Variants in CLSTN2 observed in about 807,000 individuals in gnomAD.
The protein encoded by CLSTN2 is calsyntenin-2.
A neutral mutation model predicts 101.2 loss-of-function variants in CLSTN2; 48 were observed. The observed-to-expected ratio is 0.47, with a 90% CI of 0.38 to 0.60. The LOEUF (loss-of-function observed/expected upper bound fraction) is 0.60, where lower values mean the gene tolerates loss of function less well. CLSTN2 is among the 20% of genes least tolerant of loss of function. CLSTN2 has a pLI of 0.00. For missense variants in CLSTN2, 1,160 were observed against 1,238.2 expected (o/e 0.94, Z 0.95); for synonymous variants, 481 against 463.6 (o/e 1.04, Z -0.48).
At chr3:140,188,794 T>C (rs1484179821) in intron 2 of CLSTN2, among the ~76,000 whole-genome samples, 2 of 152,162 alleles carry the variant, frequency 1.3e-5, no homozygotes, top group African/African-American at 2.4e-5. Flanking sequence ...CCTTACTCAG[T>C]TTCCCCCAGT....
Position 139,935,531 on chromosome 3 carries a change from G to A in CLSTN2, c.109+48G>A, listed in dbSNP as rs1441782927. 5.0e-6 allele frequency: 5 copies of A among 1,008,650 alleles called. No individual in the cohort carries two copies. In the African/African-American group the frequency reaches 8.3e-5, roughly 17 times the overall value. The allele number at this position is 1,008,650 out of a possible 1,614,324, so 62.5% of individuals were successfully genotyped here. A position where few individuals can be genotyped will look rare whatever the true frequency, so the allele number is the denominator to read the frequency against. ...CTTCTCCCAGGAGGGAGGCAGGGCA[G>A]GCTTGAGGGTGAAAGCGGCAAGGAC... is the stretch of plus-strand genomic sequence containing the variant. On this transcript the variant is annotated intron_variant, in intron 1 of 16. Transcript: ENST00000458420. The surrounding 1 kb of genome is among the most constrained non-coding windows in gnomAD (Gnocchi z 5.5).
intron 2 of CLSTN2, among the ~76,000 whole-genome samples, chr3:140,208,108 TTTGTC>T (rs1248009862): frequency 1.3e-5 from 2 of 152,200 alleles, no homozygotes; most frequent in Non-Finnish European, 2.9e-5. Flanking sequence ...TTAAACTGTA[TTTGTC>T]TAATCCATTC....
chr3:140,119,997 T>C (rs2009312680), intron 1 of CLSTN2, among the ~76,000 whole-genome samples: 1 of 152,166 alleles, frequency 6.6e-6, no homozygotes, highest in Non-Finnish European at 1.5e-5. Context: ...ACCACCACAA[T>C]AATCACCAAC....
At chr3:140,237,348 T>G (rs774441698) in intron 2 of CLSTN2, among the ~76,000 whole-genome samples, 2 of 152,198 alleles carry the variant, frequency 1.3e-5, no homozygotes, top group Middle Eastern at 3.2e-3. Flanking sequence ...TCTGTAGCAC[T>G]GTAAAAGCTC....
intron 1 of CLSTN2, among the ~76,000 whole-genome samples, chr3:140,160,992 G>T (rs1437768278): frequency 1.3e-5 from 2 of 152,128 alleles, no homozygotes; most frequent in Admixed American, 6.6e-5. Context: ...AGCAGTCAAA[G>T]CTTATTCATT....
intron 2 of CLSTN2, among the ~76,000 whole-genome samples, chr3:140,233,455 C>G (rs1026300205): frequency 6.6e-6 from 1 of 152,170 alleles, no homozygotes; most frequent in Middle Eastern, 3.2e-3. Flanking sequence ...CCTTCCTCCT[C>G]GAGCTATGGA....
chr3:140,466,009 T>G (rs1250714393), intron 7 of CLSTN2, among the ~76,000 whole-genome samples: 1 of 152,170 alleles, frequency 6.6e-6, no homozygotes, highest in African/African-American at 2.4e-5. Context: ...AACTTCCCAT[T>G]AATTGCCTGT....
At chr3:139,962,771 A>G (rs1935533857) in intron 1 of CLSTN2, among the ~76,000 whole-genome samples, 1 of 152,286 alleles carries the variant, frequency 6.6e-6, no homozygotes, top group African/African-American at 2.4e-5. Context: ...ATCTGTATGT[A>G]CCACAATTTG....
chr3:140,110,069 A>G (rs748808953), intron 1 of CLSTN2, among the ~76,000 whole-genome samples: 1 of 152,152 alleles, frequency 6.6e-6, no homozygotes, highest in Non-Finnish European at 1.5e-5. Context: ...ATATGTCTTT[A>G]TTCTAAAGGA....
chr3:140,334,238 A>G (rs2087419470), intron 2 of CLSTN2, among the ~76,000 whole-genome samples: 1 of 152,214 alleles, frequency 6.6e-6, no homozygotes, highest in Non-Finnish European at 1.5e-5. Flanking sequence ...AAGTGTTATC[A>G]TGAAGTCATT....
At chr3:140,228,587 C>A (rs993985960) in intron 2 of CLSTN2, among the ~76,000 whole-genome samples, 2 of 152,154 alleles carry the variant, frequency 1.3e-5, no homozygotes, top group Admixed American at 6.5e-5. Flanking sequence ...CTTGTAGTAC[C>A]AACTTACTGT....
At chr3:140,124,024 A>G (rs1012291384) in intron 1 of CLSTN2, among the ~76,000 whole-genome samples, 2 of 152,156 alleles carry the variant, frequency 1.3e-5, no homozygotes, top group African/African-American at 4.8e-5. Context: ...CACTCAGTCT[A>G]TAGCATGAAG....
chr3:140,160,599 T>C (rs2010029562), intron 1 of CLSTN2, among the ~76,000 whole-genome samples: 1 of 152,132 alleles, frequency 6.6e-6, no homozygotes, highest in Non-Finnish European at 1.5e-5. Context: ...CGATTTCTTT[T>C]ATCTACAGTG....
At chr3:140,167,461 C>T (rs1303656587) in intron 1 of CLSTN2, among the ~76,000 whole-genome samples, 2 of 152,170 alleles carry the variant, frequency 1.3e-5, no homozygotes, top group South Asian at 4.1e-4. Context: ...TTCCTCTTCT[C>T]ACCTACCTCT....
intron 8 of CLSTN2, among the ~76,000 whole-genome samples, chr3:140,496,092 A>G (rs1368672334): frequency 5.3e-5 from 8 of 152,338 alleles, no homozygotes; most frequent in East Asian, 3.9e-4. Flanking sequence ...CTTCCTATTC[A>G]TGATCATGGA....
chr3:140,436,304 A>G (rs57619488), intron 5 of CLSTN2, among the ~76,000 whole-genome samples: 14,520 of 152,268 alleles, frequency 0.095, 802 homozygotes, highest in East Asian at 0.18. Flanking sequence ...CTGCATATGC[A>G]TATCCAGTTT....
intron 1 of CLSTN2, among the ~76,000 whole-genome samples, chr3:139,965,892 C>T (rs1451517381): frequency 2.0e-5 from 3 of 152,200 alleles, no homozygotes; most frequent in Non-Finnish European, 4.4e-5. Context: ...CACTCTTCTT[C>T]AAAATCAACT....
chr3:140,171,700 A>G (rs1197144846), intron 1 of CLSTN2, among the ~76,000 whole-genome samples: 2 of 113,094 alleles, frequency 1.8e-5, no homozygotes, highest in African/African-American at 3.6e-5. Context: ...ATATTAATAT[A>G]TAATATGTAT....
intron 8 of CLSTN2, among the ~76,000 whole-genome samples, chr3:140,467,847 A>T (rs1933745150): frequency 6.6e-6 from 1 of 151,878 alleles, no homozygotes; most frequent in Non-Finnish European, 1.5e-5. Context: ...TTCCAGGAGG[A>T]ATTCATTCAC....
Sources: gnomAD v4.1 joint callset for allele counts (sites outside exome capture counted in the v4.1 genomes callset) on GRCh38, gnomAD v4.1.1 for gene constraint, Gnocchi (gnomAD v3.1) non-coding constraint, MANE v1.5 for transcripts, NCBI Gene and HGNC (gene_info 2026-07-23, HGNC 2026-07-21) for gene names.